Variants in PCDH15 observed in about 807,000 individuals in gnomAD.
PCDH15 encodes the protein protocadherin related 15.
PCDH15 carries 129 observed loss-of-function variants against 178.5 expected under a neutral mutation model. That is an observed-to-expected ratio of 0.72 (90% CI 0.63 to 0.84). The LOEUF (loss-of-function observed/expected upper bound fraction) is 0.84. Ranked by LOEUF, PCDH15 falls within the 40% of genes least tolerant of loss-of-function variation. PCDH15 has a pLI of 0.00. For missense variants in PCDH15, 2,230 were observed against 2,099.9 expected, an observed-to-expected ratio of 1.06 and a Z score of -1.21; for synonymous variants, 800 against 732.0, an observed-to-expected ratio of 1.09 and a Z score of -1.50.
intron 1 of PCDH15, among the ~76,000 whole-genome samples, chr10:54,738,474 A>G (rs1249086043): frequency 6.6e-6 from 1 of 152,092 alleles, no homozygotes; most frequent in Non-Finnish European, 1.5e-5. Flanking sequence ...TTTACTTTAC[A>G]AACATGTAAA....
chr10:54,941,630 T>C (rs1005434547), intron 2 of PCDH15, among the ~76,000 whole-genome samples: 2 of 152,148 alleles, frequency 1.3e-5, no homozygotes, highest in Non-Finnish European at 2.9e-5. Context: ...AACATGTGCA[T>C]GATCATACTT....
At chr10:54,121,575 G>A (rs1487049420) in intron 15 of PCDH15, among the ~76,000 whole-genome samples, 1 of 151,918 alleles carries the variant, frequency 6.6e-6, no homozygotes, top group Non-Finnish European at 1.5e-5. Context: ...GAGAAGAAAA[G>A]AAAAATTCAA....
At chr10:55,036,049 T>C (rs1840727779) in intron 2 of PCDH15, among the ~76,000 whole-genome samples, 2 of 152,086 alleles carry the variant, frequency 1.3e-5, no homozygotes. Flanking sequence ...TATTGAGAGG[T>C]AGAGACTAAT....
At chr10:55,529,107 T>A (rs894514340) in intron 2 of PCDH15, among the ~76,000 whole-genome samples, 4 of 151,984 alleles carry the variant, frequency 2.6e-5, no homozygotes, top group South Asian at 2.1e-4. Context: ...GTTTGAGTTC[T>A]TTGTAGATTC....
At position 55,181,548 on chromosome 10, in the gene PCDH15, C is replaced by A. The variant is rs1406216351; in HGVS notation, c.-155-14897G>T. ...AAGGATCTTCATCACTCATCTGTTTCATTGTTAGTTTTTAAGGACTATTTT... is the reference window on the plus strand; with the variant it reads ...AAGGATCTTCATCACTCATCTGTTTAATTGTTAGTTTTTAAGGACTATTTT... On this transcript the variant is annotated intron_variant, in intron 1 of 5. Transcript: ENST00000458638. Among the ~76,000 whole-genome samples, 9 of 152,006 alleles carry A rather than the reference C, an allele frequency of 5.9e-5. No individual in the cohort carries two copies. The South Asian group carries it at 1.7e-3, about 28-fold the overall frequency.
intron 3 of PCDH15, among the ~76,000 whole-genome samples, chr10:54,449,157 C>T (rs978720328): frequency 3.3e-5 from 5 of 151,644 alleles, no homozygotes; most frequent in African/African-American, 1.2e-4. Flanking sequence ...ACCCTTAACC[C>T]CATTAAATAC....
chr10:54,068,423 A>G (rs975660712), intron 17 of PCDH15, among the ~76,000 whole-genome samples: 1 of 152,158 alleles, frequency 6.6e-6, no homozygotes, highest in African/African-American at 2.4e-5. Context: ...GATGGTCAGA[A>G]CATCATTATA....
At chr10:54,567,556 A>C (rs536632773) in intron 2 of PCDH15, among the ~76,000 whole-genome samples, 1 of 152,268 alleles carries the variant, frequency 6.6e-6, no homozygotes, top group Admixed American at 6.5e-5. Context: ...GTGTTATAAA[A>C]TCAAATCATA....
At chr10:54,708,897 T>G (rs147095066) in intron 1 of PCDH15, among the ~76,000 whole-genome samples, 53 of 152,164 alleles carry the variant, frequency 3.5e-4, no homozygotes, top group African/African-American at 1.3e-3. Flanking sequence ...GCTCTAATGA[T>G]CTCTGAAAAA....
At chr10:53,988,109 C>G (rs1268113134) in intron 21 of PCDH15, among the ~76,000 whole-genome samples, 1 of 152,160 alleles carries the variant, frequency 6.6e-6, no homozygotes, top group Admixed American at 6.5e-5. Flanking sequence ...ACATCATCCC[C>G]GCGTCAGATC....
At chr10:54,026,529 T>C (rs1159612159) in intron 18 of PCDH15, among the ~76,000 whole-genome samples, 1 of 152,226 alleles carries the variant, frequency 6.6e-6, no homozygotes, top group Non-Finnish European at 1.5e-5. Context: ...ACATTTTGAC[T>C]GAATCTATGA....
chr10:54,160,874 C>G (rs2045637799), intron 13 of PCDH15, among the ~76,000 whole-genome samples: 1 of 152,070 alleles, frequency 6.6e-6, no homozygotes, highest in Admixed American at 6.6e-5. Flanking sequence ...TGTATAATGG[C>G]TTTAACAAAT....
At position 55,159,518 on chromosome 10, in the gene PCDH15, A is replaced by G. The variant is rs868693695; in HGVS notation, c.-80+7058T>C. 2.0e-5 allele frequency among the ~76,000 whole-genome samples: 3 copies of G among 149,280 alleles called. No individual in the cohort carries two copies. The East Asian group carries it at 5.9e-4, about 29-fold the overall frequency. On this transcript the variant is annotated intron_variant, in intron 2 of 5. Coordinates refer to the PCDH15 transcript ENST00000458638. ...ACACACACACATATACACACACACAACTAGATTTGTTAGACTAGGACGTGA... is the reference window on the plus strand; with the variant it reads ...ACACACACACATATACACACACACAGCTAGATTTGTTAGACTAGGACGTGA...
intron 2 of PCDH15, among the ~76,000 whole-genome samples, chr10:54,585,803 GTCT>G (rs1443306402): frequency 6.6e-6 from 1 of 152,006 alleles, no homozygotes; most frequent in Non-Finnish European, 1.5e-5. Context: ...ATTCAATTAT[GTCT>G]TCTTAATTGT....
rs1468442051 is a variant in PCDH15 at position 54,105,301 on chromosome 10, TATATATATATATATATAC to T, written c.1918-15256_1918-15239del. Among the ~76,000 whole-genome samples, 158 of 98,364 alleles carry T rather than the reference TATATATATATATATATAC, an allele frequency of 1.6e-3. 1 individual carries two copies. The highest frequency in any genetic ancestry group is 4.6e-3 in the African/African-American group (101 of 21,766). The allele number at this position is 98,364 out of a possible 152,430, so 64.5% of individuals were successfully genotyped here. On this transcript the variant is annotated intron_variant, in intron 15 of 37. Transcript: ENST00000644397. ...AGATATATATATATATATATATATA[TATATATATATATATATAC>T]ACACACACATACATATATATACACA... is the stretch of plus-strand genomic sequence containing the variant.
rs115939002 is a variant in PCDH15 at position 54,986,952 on chromosome 10, A to G, written c.-79-89452T>C. 6.0e-3 allele frequency among the ~76,000 whole-genome samples: 912 copies of G among 152,236 alleles called. 5 individuals carry two copies. Among genetic ancestry groups the G allele is most frequent in the African/African-American group, 0.021 (868 of 41,524 alleles). ...TGCAGAATATGCAGGTTTACTACAT[A>G]GATATACGTGTGCTATGGTGGTTTG... On this transcript the variant is annotated intron_variant, in intron 2 of 5. Coordinates refer to the PCDH15 transcript ENST00000458638.
chr10:53,944,126 A>AGAGTATGG (rs1377585380), intron 23 of PCDH15, among the ~76,000 whole-genome samples: 1 of 152,156 alleles, frequency 6.6e-6, no homozygotes, highest in Non-Finnish European at 1.5e-5. Flanking sequence ...AGAGGAATGG[A>AGAGTATGG]AGTTAGGAAT....
At chr10:54,736,028 AG>A (rs1485510910) in intron 1 of PCDH15, among the ~76,000 whole-genome samples, 13 of 151,948 alleles carry the variant, frequency 8.6e-5, no homozygotes, top group Non-Finnish European at 5.9e-5. Context: ...AAAAAAAAAA[AG>A]AAATATACTT....
At chr10:54,347,963 C>T (rs1943574392) in intron 5 of PCDH15, among the ~76,000 whole-genome samples, 1 of 152,032 alleles carries the variant, frequency 6.6e-6, no homozygotes, top group African/African-American at 2.4e-5. Flanking sequence ...ATTCTCCTGC[C>T]TCAGCCTCCC....
Sources: allele counts gnomAD v4.1 joint callset (sites outside exome capture counted in the v4.1 genomes callset), GRCh38; gene constraint gnomAD v4.1.1; transcripts MANE v1.5; gene names NCBI Gene and HGNC (gene_info 2026-07-23, HGNC 2026-07-21).